The following CYP7B1 variants were observed in gnomAD, a reference collection of about 807,000 sequenced individuals.
The protein encoded by CYP7B1 is cytochrome P450 family 7 subfamily B member 1.
In CYP7B1, 29 loss-of-function variants were observed where a neutral mutation model predicts 42.7. That is an observed-to-expected ratio of 0.68 (90% CI 0.51 to 0.93). The LOEUF (loss-of-function observed/expected upper bound fraction) is 0.93. CYP7B1 is among the 40% of genes least tolerant of loss of function. The pLI is 0.00. For synonymous variants in CYP7B1, 235 were observed against 218.2 expected (o/e 1.08, Z -0.68); for missense variants, 655 against 600.5 (o/e 1.09, Z -0.95).
chr8:64,765,268 T>C (rs1302099314), intron 1 of CYP7B1, among the ~76,000 whole-genome samples: 2 of 152,244 alleles, frequency 1.3e-5, no homozygotes, highest in Admixed American at 6.5e-5. Context: ...TGCATTATCC[T>C]AATCTTGCGG....
chr8:64,604,794 T>C lies in CYP7B1; in HGVS notation c.1121A>G (p.Glu374Gly). Reference protein sequence around the residue: ...SYSTTIRFVEEDLTLSSETGD... With the variant: ...SYSTTIRFVEGDLTLSSETGD... ...GGTCTCTGAACTGAGAGTCAAATCC[T>C]CCTCAACAAAACGAATGGTGGTTGA... The change falls in exon 5 of 6, where the codon GAG (glutamate) becomes GGG (glycine). Residue 374 changes from glutamate to glycine, a missense_variant. By Grantham distance (98) the Glu-to-Gly change is moderately conservative. Transcript: ENST00000310193. The C allele has an allele frequency of 6.2e-7, 1 of 1,614,086 alleles. No individual in the cohort carries two copies. Among genetic ancestry groups the C allele is most frequent in the South Asian group, 1.1e-5 (1 of 91,078 alleles).
At chr8:64,691,274 A>G (rs1314128560) in intron 1 of CYP7B1, among the ~76,000 whole-genome samples, 1 of 152,202 alleles carries the variant, frequency 6.6e-6, no homozygotes, top group Admixed American at 6.5e-5. Flanking sequence ...GACGTTAAGC[A>G]GGCTTAGTGA....
intron 1 of CYP7B1, among the ~76,000 whole-genome samples, chr8:64,790,293 T>C (rs972182601): frequency 1.3e-5 from 2 of 152,172 alleles, no homozygotes; most frequent in African/African-American, 4.8e-5. Flanking sequence ...TCATTATCAC[T>C]TGAGCAAAAT....
intron 5 of CYP7B1, among the ~76,000 whole-genome samples, chr8:64,597,834 T>C (rs1281500221): frequency 3.3e-5 from 5 of 152,180 alleles, no homozygotes; most frequent in African/African-American, 1.2e-4. Flanking sequence ...CGACCAAGTA[T>C]TTCCTGTAGT....
At chr8:64,793,224 T>A (rs1277431439) in intron 1 of CYP7B1, among the ~76,000 whole-genome samples, 1 of 152,226 alleles carries the variant, frequency 6.6e-6, no homozygotes. Context: ...CCCCTCTCCA[T>A]CATATTTTCT....
chr8:64,615,217 A>G lies in CYP7B1; in HGVS notation c.866T>C (p.Phe289Ser). The G allele has an allele frequency of 1.9e-6, 3 of 1,613,124 alleles. No individual in the cohort carries two copies. The highest frequency in any genetic ancestry group is 2.5e-6 in the Non-Finnish European group (3 of 1,179,450). ...DLEIGAHHLG[F>S]LWASVANTIP... Reference sequence around the variant, plus strand: ...AGTGTTTGCCACAGAGGCCCAGAGAAAGCCTAAATGATGTGCTGGGAGAAA... The same window carrying G: ...AGTGTTTGCCACAGAGGCCCAGAGAGAGCCTAAATGATGTGCTGGGAGAAA... The change falls in exon 4 of 6, where the codon TTT (phenylalanine) becomes TCT (serine). Residue 289 changes from phenylalanine to serine, a missense_variant. Coordinates refer to ENST00000310193, the MANE Select transcript of CYP7B1 (RefSeq NM_004820.5).
At chr8:64,742,511 A>C (rs1158054679) in intron 1 of CYP7B1, among the ~76,000 whole-genome samples, 1 of 152,206 alleles carries the variant, frequency 6.6e-6, no homozygotes, top group Non-Finnish European at 1.5e-5. Context: ...TTAAAATATA[A>C]TTTTAATTTG....
At chr8:64,674,933 G>T (rs151227842) in intron 1 of CYP7B1, among the ~76,000 whole-genome samples, 8 of 151,928 alleles carry the variant, frequency 5.3e-5, no homozygotes, top group African/African-American at 9.7e-5. Flanking sequence ...ACAATTTAAA[G>T]ATTTTTTTTA....
At chr8:64,624,323 C>A in intron 2 of CYP7B1, 80 bp downstream of exon 2, 2 of 1,320,702 alleles carry the variant, frequency 1.5e-6, no homozygotes, top group South Asian at 1.3e-5. Flanking sequence ...CTACATTTTG[C>A]CTAGAGAAAA....
At position 64,604,790 on chromosome 8, in the gene CYP7B1, A is replaced by C. The variant is rs1805253452; in HGVS notation, c.1125T>G (p.Asp375Glu). The C allele has an allele frequency of 6.2e-7, 1 of 1,614,150 alleles. No homozygotes were observed. The highest frequency in any genetic ancestry group is 2.2e-5 in the East Asian group (1 of 44,880). ...YSTTIRFVEE[D>E]LTLSSETGDY... is the part of the protein sequence containing the mutation. ...CCCCGGTCTCTGAACTGAGAGTCAA[A>C]TCCTCCTCAACAAAACGAATGGTGG... is the stretch of plus-strand genomic sequence containing the variant. Residue 375 changes from aspartate (D) to glutamate (E), a missense_variant, in exon 5 of 6, where the codon GAT becomes GAG. Asp to Glu is a conservative substitution (Grantham distance 45). Transcript: ENST00000310193.
chr8:64,786,314 C>G (rs1018683150), intron 1 of CYP7B1, among the ~76,000 whole-genome samples: 3 of 152,122 alleles, frequency 2.0e-5, no homozygotes, highest in Non-Finnish European at 4.4e-5. Flanking sequence ...TGCCTATGAG[C>G]CTGTAAAATT....
chr8:64,727,485 T>C (rs1245312433), intron 1 of CYP7B1, among the ~76,000 whole-genome samples: 2 of 152,150 alleles, frequency 1.3e-5, no homozygotes, highest in Non-Finnish European at 2.9e-5. Flanking sequence ...ATATGTACAT[T>C]GATCATAATA....
At chr8:64,686,299 G>A (rs1218484157) in intron 1 of CYP7B1, among the ~76,000 whole-genome samples, 1 of 43,606 alleles carries the variant, frequency 2.3e-5, no homozygotes, top group East Asian at 4.3e-4. Flanking sequence ...CCCCCCACCC[G>A]GCCAGCCGCC....
intron 1 of CYP7B1, among the ~76,000 whole-genome samples, chr8:64,651,664 T>C (rs1054664816): frequency 6.6e-6 from 1 of 152,204 alleles, no homozygotes; most frequent in African/African-American, 2.4e-5. Context: ...AATGGAATTA[T>C]TGCTCTTATA....
intron 4 of CYP7B1, among the ~76,000 whole-genome samples, chr8:64,606,521 G>C (rs1805284936): frequency 6.6e-6 from 1 of 152,230 alleles, no homozygotes; most frequent in African/African-American, 2.4e-5. Context: ...TGGCTGCTGT[G>C]ACAGGGCAGG....
chr8:64,700,370 A>G (rs934948767), intron 1 of CYP7B1, among the ~76,000 whole-genome samples: 3 of 152,074 alleles, frequency 2.0e-5, no homozygotes, highest in African/African-American at 7.2e-5. Flanking sequence ...AAGGTCCATT[A>G]TCTGTGACCA....
intron 1 of CYP7B1, among the ~76,000 whole-genome samples, chr8:64,660,612 A>T (rs1367252316): frequency 6.6e-6 from 1 of 152,244 alleles, no homozygotes; most frequent in Admixed American, 6.5e-5. Context: ...CCTACAGAGC[A>T]AGAGTGAGCA....
chr8:64,780,766 C>T (rs1341013855), intron 1 of CYP7B1, among the ~76,000 whole-genome samples: 4 of 152,062 alleles, frequency 2.6e-5, no homozygotes, highest in East Asian at 3.9e-4. Flanking sequence ...TTTTCTTCTG[C>T]GGATGTGGCT....
At chr8:64,616,326 T>C in intron 2 of CYP7B1, 45 bp from the exon 3 acceptor site, 2 of 1,229,144 alleles carry the variant, frequency 1.6e-6, no homozygotes, top group Admixed American at 2.1e-5. Context: ...CGTTTGTTAA[T>C]AAAACAGAAA....
Sources: gnomAD v4.1 joint callset for allele counts (sites outside exome capture counted in the v4.1 genomes callset) on GRCh38, gnomAD v4.1.1 for gene constraint, MANE v1.5 for transcripts, NCBI Gene and HGNC (gene_info 2026-07-23, HGNC 2026-07-21) for gene names.